Variants in RBFOX1 observed in about 807,000 individuals in gnomAD.
RBFOX1 encodes RNA binding protein fox-1 homolog 1.
Under a neutral mutation model 57.7 loss-of-function variants are expected in RBFOX1, and 8 were observed. The ratio of observed to expected loss-of-function variants is 0.14; its 90% CI spans 0.08 to 0.25. The LOEUF is 0.25. Among genes scored for constraint, RBFOX1 ranks in the 10% least tolerant of loss-of-function variants. RBFOX1 has a pLI of 1.00. For synonymous variants in RBFOX1, 326 were observed against 222.4 expected (o/e 1.47, Z -4.15); for missense variants, 611 against 548.5 (o/e 1.11, Z -1.14).
chr16:6,857,432 G>A (rs1009239244), intron 3 of RBFOX1, among the ~76,000 whole-genome samples: 2 of 152,166 alleles, frequency 1.3e-5, no homozygotes, highest in African/African-American at 2.4e-5. Flanking sequence ...TACGCCAGCT[G>A]AAAGAGTTAA....
At chr16:6,530,266 C>G (rs1386091191) in intron 2 of RBFOX1, among the ~76,000 whole-genome samples, 1 of 152,078 alleles carries the variant, frequency 6.6e-6, no homozygotes, top group Non-Finnish European at 1.5e-5. Flanking sequence ...AGTCATAGCT[C>G]TCAAGCTCAA....
At chr16:6,133,496 T>C (rs1302896131) in intron 1 of RBFOX1, among the ~76,000 whole-genome samples, 6 of 152,176 alleles carry the variant, frequency 3.9e-5, no homozygotes. Context: ...TTTAAGTTAG[T>C]GTCAGTCAAC....
chr16:5,324,813 G>A (rs1454139718), intron 1 of RBFOX1, among the ~76,000 whole-genome samples: 7 of 152,142 alleles, frequency 4.6e-5, no homozygotes, highest in African/African-American at 1.7e-4. Flanking sequence ...GAAGGGTGGA[G>A]GGTGGATAAT....
chr16:5,836,370 C>T (rs571400405), intron 3 of RBFOX1, among the ~76,000 whole-genome samples: 4 of 152,162 alleles, frequency 2.6e-5, no homozygotes, highest in African/African-American at 9.7e-5. Context: ...GCAGAGTTTT[C>T]CTCTGCAAAC....
chr16:7,112,498 T>A (rs1184088515), intron 4 of RBFOX1, among the ~76,000 whole-genome samples: 1 of 151,980 alleles, frequency 6.6e-6, no homozygotes, highest in Non-Finnish European at 1.5e-5. Flanking sequence ...TGAGCCACCG[T>A]GCCCAGCCTA....
intron 1 of RBFOX1, among the ~76,000 whole-genome samples, chr16:5,464,499 G>A (rs2068893272): frequency 6.6e-6 from 1 of 152,242 alleles, no homozygotes; most frequent in Admixed American, 6.5e-5. Flanking sequence ...GGTGGGCAGG[G>A]AACCCAGGCA....
At chr16:7,267,262 C>T (rs548443353) in intron 4 of RBFOX1, among the ~76,000 whole-genome samples, 5 of 150,966 alleles carry the variant, frequency 3.3e-5, no homozygotes, top group African/African-American at 9.8e-5. Flanking sequence ...TAGCTGGGCA[C>T]GGTGGCTCAT....
At chr16:5,705,220 A>G (rs1432813628) in intron 3 of RBFOX1, among the ~76,000 whole-genome samples, 1 of 152,154 alleles carries the variant, frequency 6.6e-6, no homozygotes, top group African/African-American at 2.4e-5. Flanking sequence ...CATCAGCACC[A>G]AAACCAGCAC....
At position 7,282,738 on chromosome 16, in the gene RBFOX1, C is replaced by A. The variant is rs1197747792; in HGVS notation, c.27+230640C>A. 3.9e-5 allele frequency among the ~76,000 whole-genome samples: 6 copies of A among 152,150 alleles called. No homozygotes were observed. The East Asian group carries it at 1.2e-3, about 29-fold the overall frequency. On this transcript the variant is annotated intron_variant, in intron 4 of 15. Coordinates refer to ENST00000550418, the MANE Select transcript of RBFOX1 (RefSeq NM_018723.4). The stretch of plus-strand genomic sequence containing the variant: ...CTTTTACCCCTCACCTCCTTCCCAC[C>A]CTTTCTCCCTGAGTCCCCAAAGTCC...
At position 6,190,958 on chromosome 16, in the gene RBFOX1, G is replaced by A. The variant is rs1473863636; in HGVS notation, c.-126-126037G>A. On this transcript the variant is annotated intron_variant, in intron 1 of 15. Coordinates refer to ENST00000550418, the MANE Select transcript of RBFOX1 (RefSeq NM_018723.4). ...GGGGCTCCAGCCAAAACTTGAGGCCGGCAGTCTAAATCCAGATCGGGCAGC... is the reference window on the plus strand; with the variant it reads ...GGGGCTCCAGCCAAAACTTGAGGCCAGCAGTCTAAATCCAGATCGGGCAGC... Among the ~76,000 whole-genome samples, 7 of 152,132 alleles carry A rather than the reference G, an allele frequency of 4.6e-5. No homozygotes were observed. The South Asian group carries it at 6.2e-4, about 14-fold the overall frequency.
chr16:6,320,660 C>T (rs557345103), intron 2 of RBFOX1, among the ~76,000 whole-genome samples: 13 of 152,198 alleles, frequency 8.5e-5, no homozygotes, highest in African/African-American at 3.1e-4. Context: ...TATTCTTTAT[C>T]TGTGCTGTTC....
intron 1 of RBFOX1, among the ~76,000 whole-genome samples, chr16:6,086,864 A>G (rs1033335742): frequency 3.9e-5 from 6 of 152,198 alleles, no homozygotes; most frequent in African/African-American, 1.4e-4. Flanking sequence ...ACAATGCATC[A>G]TGTTCATTCT....
At chr16:6,155,242 G>C (rs1157699867) in intron 1 of RBFOX1, among the ~76,000 whole-genome samples, 1 of 152,202 alleles carries the variant, frequency 6.6e-6, no homozygotes, top group African/African-American at 2.4e-5. Flanking sequence ...GCATCCAGGA[G>C]ACAAGCCCTA....
At chr16:6,103,702 A>C (rs2152561720) in intron 1 of RBFOX1, among the ~76,000 whole-genome samples, 1 of 152,238 alleles carries the variant, frequency 6.6e-6, no homozygotes, top group East Asian at 1.9e-4. Flanking sequence ...GGAAATGTGG[A>C]GGTCAAGTCT....
At chr16:5,961,655 G>C (rs1220391051) in intron 4 of RBFOX1, among the ~76,000 whole-genome samples, 2 of 152,116 alleles carry the variant, frequency 1.3e-5, no homozygotes, top group Non-Finnish European at 2.9e-5. Flanking sequence ...AAGCAGCTGA[G>C]AATACAGGCA....
At chr16:6,304,972 G>C (rs1221614261) in intron 1 of RBFOX1, among the ~76,000 whole-genome samples, 1 of 149,180 alleles carries the variant, frequency 6.7e-6, no homozygotes, top group East Asian at 2.0e-4. Context: ...ACAATCAACA[G>C]AACTAGTGAG....
intron 3 of RBFOX1, among the ~76,000 whole-genome samples, chr16:6,946,440 G>A (rs1384650492): frequency 1.3e-5 from 2 of 152,152 alleles, no homozygotes; most frequent in African/African-American, 4.8e-5. Flanking sequence ...AAAATAAGCT[G>A]TTACCCACTA....
chr16:7,453,237 G>A (rs1184907088), intron 4 of RBFOX1, among the ~76,000 whole-genome samples: 1 of 152,118 alleles, frequency 6.6e-6, no homozygotes, highest in East Asian at 1.9e-4. Context: ...AGGGGTAGGA[G>A]GTTAAACAGA....
chr16:6,450,770 T>TATATAC lies in RBFOX1; in HGVS notation c.-64+133718_-64+133719insCATATA, dbSNP rs1555480457. Among the ~76,000 whole-genome samples the TATATAC allele has an allele frequency of 3.0e-4, 6 of 19,916 alleles. 1 individual carries two copies. Among genetic ancestry groups the TATATAC allele is most frequent in the African/African-American group, 2.7e-3 (6 of 2,250 alleles). The allele number at this position is 19,916 out of a possible 152,430, so 13.1% of individuals were successfully genotyped here. On this transcript the variant is annotated intron_variant, in intron 2 of 15. Coordinates refer to ENST00000550418, the MANE Select transcript of RBFOX1 (RefSeq NM_018723.4). ...ATATATATACATATATATATGTGTA[T>TATATAC]ATATATATATATATATATACATATA...
Sources: allele counts gnomAD v4.1 joint callset (sites outside exome capture counted in the v4.1 genomes callset), GRCh38; gene constraint gnomAD v4.1.1; transcripts MANE v1.5; gene names NCBI Gene and HGNC (gene_info 2026-07-23, HGNC 2026-07-21).